TMOD1: variants seen among roughly 807,000 people sequenced by gnomAD.
TMOD1 encodes the protein tropomodulin 1.
Under a neutral mutation model 40.6 loss-of-function variants are expected in TMOD1, and 17 were observed. The observed-to-expected ratio is 0.42, with a 90% CI of 0.29 to 0.63. TMOD1 has a LOEUF of 0.63. Ranked by LOEUF, TMOD1 falls within the 20% of genes least tolerant of loss-of-function variation. The pLI is 0.22. For missense variants in TMOD1, 391 were observed against 447.6 expected, an observed-to-expected ratio of 0.87 and a Z score of 1.14; for synonymous variants, 181 against 175.0, an observed-to-expected ratio of 1.03 and a Z score of -0.27.
intron 8 of TMOD1, among the ~76,000 whole-genome samples, chr9:97,584,608 G>T (rs901775932): frequency 5.9e-5 from 9 of 152,162 alleles, no homozygotes; most frequent in African/African-American, 2.2e-4. Context: ...GGGTGTTAAA[G>T]TCTCCTATTA....
intron 2 of TMOD1, among the ~76,000 whole-genome samples, chr9:97,526,145 C>T (rs373735902): frequency 5.3e-5 from 8 of 152,198 alleles, no homozygotes; most frequent in Non-Finnish European, 7.3e-5. Context: ...AAGGCCGTTA[C>T]CCCGTTATAT....
At chr9:97,538,046 T>A (rs1458838569) in intron 2 of TMOD1, among the ~76,000 whole-genome samples, 1 of 152,140 alleles carries the variant, frequency 6.6e-6, no homozygotes, top group Non-Finnish European at 1.5e-5. Context: ...ACTGAGCAGA[T>A]CTAATAACAA....
chr9:97,591,921 A>G (rs1206261169), intron 9 of TMOD1, among the ~76,000 whole-genome samples: 2 of 152,226 alleles, frequency 1.3e-5, no homozygotes, highest in African/African-American at 2.4e-5. Context: ...ACTTCATAGT[A>G]AAGTAAAAGT....
intron 3 of TMOD1, among the ~76,000 whole-genome samples, chr9:97,548,288 A>G (rs1363178326): frequency 2.6e-5 from 4 of 152,208 alleles, no homozygotes; most frequent in Non-Finnish European, 4.4e-5. Context: ...GAGTACGCAC[A>G]TGGGGGTAGA....
Position 97,553,425 on chromosome 9 carries a change from C to T in TMOD1, c.397+25C>T, listed in dbSNP as rs553780569. 2.9e-5 allele frequency: 47 copies of T among 1,613,888 alleles called. 1 individual carries two copies. The South Asian group carries it at 5.1e-4, about 17-fold the overall frequency. On this transcript the variant is annotated intron_variant, in intron 4 of 9. Transcript: ENST00000259365. ...GGTAAGAGGCGTTCCAGGAGCTTTC[C>T]ACATCCTCCAGAAGGATTTGACCCA...
chr9:97,518,789 A>C (rs1829868961), intron 1 of TMOD1, among the ~76,000 whole-genome samples: 1 of 152,140 alleles, frequency 6.6e-6, no homozygotes, highest in East Asian at 1.9e-4. Flanking sequence ...GAGGGAAGAG[A>C]GATTCCAGAG....
At chr9:97,586,156 A>T (rs1407825694) in intron 8 of TMOD1, among the ~76,000 whole-genome samples, 1 of 151,164 alleles carries the variant, frequency 6.6e-6, no homozygotes, top group Non-Finnish European at 1.5e-5. Context: ...TTGGTCTTTG[A>T]TGACGGTGAT....
chr9:97,507,268 A>G (rs967760538), intron 1 of TMOD1, among the ~76,000 whole-genome samples: 2 of 152,230 alleles, frequency 1.3e-5, no homozygotes, highest in African/African-American at 4.8e-5. Context: ...AACCACTCAG[A>G]AGTGTGCAAA....
At chr9:97,508,604 G>A (rs11788529) in intron 1 of TMOD1, among the ~76,000 whole-genome samples, 55,907 of 152,066 alleles carry the variant, frequency 0.37, 10,662 homozygotes, top group Admixed American at 0.43. Flanking sequence ...TTATGTAAGC[G>A]TGAGCTGTTA....
chr9:97,540,381 T>C (rs930735662), intron 2 of TMOD1, among the ~76,000 whole-genome samples: 1 of 152,208 alleles, frequency 6.6e-6, no homozygotes, highest in Non-Finnish European at 1.5e-5. Flanking sequence ...TTGCAGCAGC[T>C]CTCTGGTATC....
chr9:97,550,207 C>T (rs1023509995), intron 3 of TMOD1, among the ~76,000 whole-genome samples: 33 of 152,220 alleles, frequency 2.2e-4, no homozygotes, highest in African/African-American at 7.0e-4. Flanking sequence ...TGTTGTAGCA[C>T]GAATCAGTGC....
intron 1 of TMOD1, among the ~76,000 whole-genome samples, chr9:97,510,380 A>G (rs942470659): frequency 1.3e-5 from 2 of 152,026 alleles, no homozygotes; most frequent in Non-Finnish European, 2.9e-5. Flanking sequence ...ACAGGTGCCC[A>G]CCACCACGCC....
chr9:97,523,563 A>C (rs957457726), intron 1 of TMOD1, among the ~76,000 whole-genome samples: 1 of 152,196 alleles, frequency 6.6e-6, no homozygotes, highest in African/African-American at 2.4e-5. Context: ...GATAATGGTA[A>C]TACCTACCTC....
At chr9:97,569,160 G>C in intron 8 of TMOD1, 123 bp downstream of exon 8, 1 of 1,311,454 alleles carries the variant, frequency 7.6e-7, no homozygotes. Context: ...CCAGCTTTGA[G>C]GGACCTCCAA....
At chr9:97,527,854 C>T (rs1830041306) in intron 2 of TMOD1, among the ~76,000 whole-genome samples, 1 of 152,172 alleles carries the variant, frequency 6.6e-6, no homozygotes, top group South Asian at 2.1e-4. Context: ...ACCTGAGGGC[C>T]CTGCAGGCCT....
chr9:97,574,533 C>T (rs1830887712), intron 8 of TMOD1, among the ~76,000 whole-genome samples: 2 of 152,258 alleles, frequency 1.3e-5, no homozygotes, highest in South Asian at 4.1e-4. Context: ...CCAGTCCCAT[C>T]AACCACCCAA....
chr9:97,558,147 C>G (rs1442316150), intron 4 of TMOD1, among the ~76,000 whole-genome samples: 3 of 152,190 alleles, frequency 2.0e-5, no homozygotes, highest in African/African-American at 7.2e-5. Context: ...TTTCGTCCTT[C>G]CTTTTTGTAA....
chr9:97,587,242 A>G (rs1374093682), intron 8 of TMOD1, among the ~76,000 whole-genome samples: 2 of 152,226 alleles, frequency 1.3e-5, no homozygotes, highest in Admixed American at 6.5e-5. Flanking sequence ...ATGTAAACAT[A>G]TGTTTTAATT....
chr9:97,587,980 C>T (rs146790676), intron 8 of TMOD1, among the ~76,000 whole-genome samples: 15 of 152,316 alleles, frequency 9.8e-5, no homozygotes, highest in South Asian at 8.3e-4. Context: ...GGATCTACCA[C>T]GTTGTGTGTA....
Sources: gnomAD v4.1 joint callset for allele counts (sites outside exome capture counted in the v4.1 genomes callset) on GRCh38, gnomAD v4.1.1 for gene constraint, MANE v1.5 for transcripts, NCBI Gene and HGNC (gene_info 2026-07-23, HGNC 2026-07-21) for gene names.